The following PCDHA11 variants were observed in gnomAD, a reference collection of about 807,000 sequenced individuals.
PCDHA11 encodes protocadherin alpha-11.
Under a neutral mutation model 70.3 loss-of-function variants are expected in PCDHA11, and 61 were observed. The ratio of observed to expected loss-of-function variants is 0.87; its 90% CI spans 0.71 to 1.07. The LOEUF (loss-of-function observed/expected upper bound fraction) is 1.07, where lower values mean the gene tolerates loss of function less well. PCDHA11 is among the 50% of genes least tolerant of loss of function. PCDHA11 has a pLI of 0.00. For missense variants in PCDHA11, 1,324 were observed against 1,237.5 expected (o/e 1.07, Z -1.05); for synonymous variants, 633 against 555.1 (o/e 1.14, Z -1.97).
In PCDHA11 at chr5:140,871,054, A is replaced by G; in HGVS notation, c.1951A>G (p.Lys651Glu). 1 of 1,613,204 alleles carries G rather than the reference A, an allele frequency of 6.2e-7. No homozygotes were observed. Residue 651 changes from lysine (K) to glutamate (E), a missense_variant, in exon 1 of 4, where the codon AAG (lysine) becomes GAG (glutamate). Coordinates refer to ENST00000398640, the MANE Select transcript of PCDHA11 (RefSeq NM_018902.5). ...SPRHRLLVLV[K>E]DHGEPALTAT... The stretch of plus-strand genomic sequence containing the variant: ...GCGCCACCGACTTCTAGTACTGGTG[A>G]AGGATCACGGTGAGCCGGCGCTGAC...
chr5:140,929,085 G>A, intron 1 of PCDHA11: 1 of 1,614,174 alleles, frequency 6.2e-7, no homozygotes, highest in Non-Finnish European at 8.5e-7. Flanking sequence ...GAAGTAAGAT[G>A]GTTTCAAATC....
chr5:140,990,814 T>A (rs1184527701), intron 3 of PCDHA11, among the ~76,000 whole-genome samples: 1 of 152,184 alleles, frequency 6.6e-6, no homozygotes, highest in Non-Finnish European at 1.5e-5. Context: ...GAAGCTCCCT[T>A]CTCTCAGCTA....
Position 140,870,762 on chromosome 5 carries a change from C to T in PCDHA11, c.1659C>T (p.Phe553=), listed in dbSNP as rs1581982773. The T allele has an allele frequency of 1.2e-6, 2 of 1,613,514 alleles. No homozygotes were observed. Among genetic ancestry groups the T allele is most frequent in the East Asian group, 2.2e-5 (1 of 44,860 alleles). ...GCAGCAACGTGACGCTGCAGGTGTT[C>T]GTGCTGGACGAGAACGACAACGCGC... ...PLSSNVTLQV[F]VLDENDNAPA... Residue 553 remains phenylalanine (F), a synonymous_variant, in exon 1 of 4, where the codon TTC becomes TTT. Transcript: ENST00000398640.
At chr5:140,882,071 ATGGTGTC>A in intron 1 of PCDHA11, 1 of 864,194 alleles carries the variant, frequency 1.2e-6, no homozygotes, top group Non-Finnish European at 1.7e-6. Context: ...GTTCATGCGC[ATGGTGTC>A]GCTCTTCACT....
rs1210767626 is a variant in PCDHA11 at position 141,010,197 on chromosome 5, C to G, written c.*260C>G. 83 of 1,552,082 alleles carry G rather than the reference C, an allele frequency of 5.3e-5. No homozygotes were observed. Among genetic ancestry groups the G allele is most frequent in the Non-Finnish European group, 6.6e-5 (76 of 1,147,118 alleles). On this transcript the variant is annotated 3_prime_UTR_variant, in exon 4 of 4. Coordinates refer to ENST00000398640, the MANE Select transcript of PCDHA11 (RefSeq NM_018902.5). ...AAAAGCAGACCCAAGTTTCCTTTCT[C>G]CTCCGCCGCAAAGGAGAGGCTTCCC...
chr5:140,879,894 T>C (rs2153369518), intron 1 of PCDHA11, among the ~76,000 whole-genome samples: 1 of 152,348 alleles, frequency 6.6e-6, no homozygotes. Context: ...CTCCTCTCCA[T>C]GTCTCTCTCT....
intron 1 of PCDHA11, among the ~76,000 whole-genome samples, chr5:140,941,562 G>A (rs1032844993): frequency 1.3e-5 from 2 of 151,596 alleles, no homozygotes; most frequent in African/African-American, 2.4e-5. Flanking sequence ...TGATCCATTC[G>A]CCTCAGCCTC....
intron 1 of PCDHA11, chr5:140,968,973 C>T (rs1404110882): frequency 4.3e-6 from 7 of 1,614,076 alleles, no homozygotes; most frequent in African/African-American, 2.7e-5. Flanking sequence ...CGCTACACTG[C>T]GTATGGCACT....
intron 1 of PCDHA11, among the ~76,000 whole-genome samples, chr5:140,962,815 A>C (rs782313534): frequency 3.3e-5 from 5 of 152,242 alleles, no homozygotes; most frequent in Non-Finnish European, 7.3e-5. Flanking sequence ...AACATCAGAG[A>C]TGACCATTTG....
chr5:140,928,354 A>C (rs374655565), intron 1 of PCDHA11: 10 of 1,614,032 alleles, frequency 6.2e-6, no homozygotes, highest in African/African-American at 1.3e-5. Flanking sequence ...GTTGGATGTT[A>C]TCTCTGAAGG....
chr5:140,878,342 CAAT>C (rs1416409658), intron 1 of PCDHA11, among the ~76,000 whole-genome samples: 2 of 152,076 alleles, frequency 1.3e-5, no homozygotes, highest in Non-Finnish European at 2.9e-5. Flanking sequence ...GGTATTATCA[CAAT>C]AATATAAATG....
chr5:140,896,491 T>A (rs2065573741), intron 1 of PCDHA11, among the ~76,000 whole-genome samples: 1 of 152,042 alleles, frequency 6.6e-6, no homozygotes, highest in South Asian at 2.1e-4. Flanking sequence ...GCCTCCTGAG[T>A]AGCTGGGACT....
At chr5:140,974,151 G>A (rs2096617637) in intron 1 of PCDHA11, among the ~76,000 whole-genome samples, 1 of 152,118 alleles carries the variant, frequency 6.6e-6, no homozygotes, top group Non-Finnish European at 1.5e-5. Context: ...ACTATACAAG[G>A]GTTTTTCTTT....
At chr5:140,926,538 G>T (rs155362) in intron 1 of PCDHA11, 176,859 of 210,462 alleles carry the variant, frequency 0.84, 75,003 homozygotes, top group African/African-American at 0.96. Context: ...CAGCCAGCGT[G>T]GTGGTCGAGA....
intron 3 of PCDHA11, among the ~76,000 whole-genome samples, chr5:141,000,395 C>CTATA (rs1190667031): frequency 1.7e-4 from 9 of 53,980 alleles, no homozygotes; most frequent in Admixed American, 6.3e-4. Flanking sequence ...CTCTCTCTCT[C>CTATA]TATATATATA....
At chr5:140,993,472 A>T (rs1164535164) in intron 3 of PCDHA11, among the ~76,000 whole-genome samples, 1 of 134,248 alleles carries the variant, frequency 7.4e-6, no homozygotes, top group Non-Finnish European at 1.5e-5. Flanking sequence ...TCACACACAC[A>T]CACACACACA....
chr5:141,010,255 C>T lies in PCDHA11; in HGVS notation c.*318C>T. The T allele has an allele frequency of 6.4e-7, 1 of 1,551,816 alleles. No homozygotes were observed. Among genetic ancestry groups the T allele is most frequent in the Non-Finnish European group, 8.7e-7 (1 of 1,147,020 alleles). ...CCAGTGAGAGGTTGGACTCTCTGCC[C>T]TGTGCTCCGGGGATCCTGTCTTGAT... is the stretch of plus-strand genomic sequence containing the variant. On this transcript the variant is annotated 3_prime_UTR_variant, in exon 4 of 4. Coordinates refer to ENST00000398640, the MANE Select transcript of PCDHA11 (RefSeq NM_018902.5).
intron 1 of PCDHA11, among the ~76,000 whole-genome samples, chr5:140,915,224 G>C (rs2077030896): frequency 6.6e-6 from 1 of 152,144 alleles, no homozygotes; most frequent in African/African-American, 2.4e-5. Context: ...TGGGATTACA[G>C]GCATGAGCCA....
rs146587864 is a variant in PCDHA11 at position 140,950,030 on chromosome 5, A to G, written c.2392-28919A>G. Among the ~76,000 whole-genome samples the G allele has an allele frequency of 2.6e-4, 39 of 152,064 alleles. 1 individual carries two copies. The East Asian group carries it at 4.8e-3, about 19-fold the overall frequency. On this transcript the variant is annotated intron_variant, in intron 1 of 3. Transcript: ENST00000398640. ...TGTACAACCTTCATAAAATATAGAA[A>G]AGTTACAACCATATAAGACTATTTA...
Sources: allele counts gnomAD v4.1 joint callset (sites outside exome capture counted in the v4.1 genomes callset), GRCh38; gene constraint gnomAD v4.1.1; transcripts MANE v1.5; gene names NCBI Gene and HGNC (gene_info 2026-07-23, HGNC 2026-07-21).